The following TBXAS1 variants were observed in gnomAD, a reference collection of about 807,000 sequenced individuals.
TBXAS1 encodes thromboxane A synthase 1.
TBXAS1 carries 48 observed loss-of-function variants against 60.7 expected under a neutral mutation model. The observed-to-expected ratio is 0.79, with a 90% CI of 0.63 to 1.01. The LOEUF (loss-of-function observed/expected upper bound fraction) is 1.01, where lower values mean the gene tolerates loss of function less well. TBXAS1 is among the 50% of genes least tolerant of loss of function. The probability of loss-of-function intolerance (pLI) is 0.00; values close to 1 mark genes in which losing one functional copy is unlikely to be tolerated. For missense variants in TBXAS1, 685 were observed against 686.3 expected (o/e 1.00, Z 0.02); for synonymous variants, 287 against 269.7 (o/e 1.06, Z -0.63).
chr7:139,984,786 AAAG>A (rs1464224477), intron 9 of TBXAS1, among the ~76,000 whole-genome samples: 6 of 147,222 alleles, frequency 4.1e-5, no homozygotes, highest in East Asian at 3.9e-4. Flanking sequence ...GAAAGAAAAG[AAAG>A]AAAGAAAGGG....
intron 4 of TBXAS1, among the ~76,000 whole-genome samples, chr7:139,798,350 CAG>C (rs1797624042): frequency 6.6e-6 from 1 of 152,168 alleles, no homozygotes; most frequent in Non-Finnish European, 1.5e-5. Flanking sequence ...GAGGAGAAAA[CAG>C]GGAGATTCCC....
chr7:139,890,973 C>T (rs1353076790), intron 3 of TBXAS1, among the ~76,000 whole-genome samples: 2 of 151,962 alleles, frequency 1.3e-5, no homozygotes, highest in African/African-American at 4.8e-5. Flanking sequence ...GCCAATAGTA[C>T]TGCCGTAGAT....
chr7:139,895,158 T>A (rs766860735), intron 3 of TBXAS1, among the ~76,000 whole-genome samples: 1 of 151,366 alleles, frequency 6.6e-6, no homozygotes, highest in Non-Finnish European at 1.5e-5. Flanking sequence ...AAGGGGGAGG[T>A]GAGGGCAAAG....
intron 3 of TBXAS1, among the ~76,000 whole-genome samples, chr7:139,890,365 G>A (rs1346921394): frequency 1.3e-5 from 2 of 149,724 alleles, no homozygotes; most frequent in East Asian, 1.9e-4. Context: ...ACAGGCGCCC[G>A]CCACTGCGCC....
chr7:139,800,303 G>A lies in TBXAS1; in HGVS notation c.-80+12877G>A, dbSNP rs181085585. Among the ~76,000 whole-genome samples, 38 of 152,174 alleles carry A rather than the reference G, an allele frequency of 2.5e-4. No homozygotes were observed. The East Asian group carries it at 4.3e-3, about 17-fold the overall frequency. On this transcript the variant is annotated intron_variant, in intron 4 of 16. Coordinates refer to the TBXAS1 transcript ENST00000336425. ...ATAGTAGCTTCCAAGGTCCTGCATGGCTTATCCTCTCCCTCCCTCCTCGAA... is the reference window on the plus strand; with the variant it reads ...ATAGTAGCTTCCAAGGTCCTGCATGACTTATCCTCTCCCTCCCTCCTCGAA...
At chr7:139,779,211 C>G (rs909154053) in intron 1 of TBXAS1, among the ~76,000 whole-genome samples, 6 of 152,230 alleles carry the variant, frequency 3.9e-5, no homozygotes, top group Admixed American at 2.0e-4. Flanking sequence ...AAAACAACCT[C>G]GTGATTTTCT....
chr7:139,990,541 A>G (rs577382186), intron 9 of TBXAS1, among the ~76,000 whole-genome samples: 79 of 152,100 alleles, frequency 5.2e-4, no homozygotes, highest in African/African-American at 1.8e-3. Flanking sequence ...CAGGGACCCC[A>G]GCCTCCTCAT....
intron 9 of TBXAS1, among the ~76,000 whole-genome samples, chr7:139,974,681 C>T (rs1326304250): frequency 1.3e-5 from 2 of 152,148 alleles, no homozygotes; most frequent in Admixed American, 6.5e-5. Context: ...GTTTGAACAG[C>T]GCCAGCATTA....
At chr7:139,873,996 G>T (rs1470485885) in intron 2 of TBXAS1, among the ~76,000 whole-genome samples, 1 of 152,072 alleles carries the variant, frequency 6.6e-6, no homozygotes, top group Non-Finnish European at 1.5e-5. Flanking sequence ...AAAGAAAGCT[G>T]CTCTTTCTGT....
chr7:139,987,375 C>A (rs1812573000), intron 9 of TBXAS1, among the ~76,000 whole-genome samples: 1 of 152,214 alleles, frequency 6.6e-6, no homozygotes, highest in African/African-American at 2.4e-5. Flanking sequence ...GGGAGCTTCA[C>A]ATCCCCACAC....
intron 4 of TBXAS1, among the ~76,000 whole-genome samples, chr7:139,820,465 T>C (rs185130118): frequency 6.6e-6 from 1 of 152,308 alleles, no homozygotes; most frequent in East Asian, 1.9e-4. Context: ...AATGGTGGCA[T>C]TGCTTCAACT....
chr7:139,971,942 C>T (rs568863152), intron 9 of TBXAS1, among the ~76,000 whole-genome samples: 1 of 152,300 alleles, frequency 6.6e-6, no homozygotes, highest in African/African-American at 2.4e-5. Context: ...ACCTCCTGAC[C>T]CACTGCCCCC....
At chr7:139,962,346 A>T in intron 9 of TBXAS1, 113 bp downstream of exon 9, 1 of 1,283,444 alleles carries the variant, frequency 7.8e-7, no homozygotes, top group Non-Finnish European at 1.1e-6. Flanking sequence ...TTCTAAGCTT[A>T]TAAGATGAAA....
intron 9 of TBXAS1, among the ~76,000 whole-genome samples, chr7:139,974,344 G>T (rs1200071971): frequency 6.6e-6 from 1 of 152,180 alleles, no homozygotes; most frequent in East Asian, 1.9e-4. Context: ...GGGACACTCG[G>T]CTGGCACCAG....
intron 6 of TBXAS1, among the ~76,000 whole-genome samples, chr7:139,953,731 G>A (rs1489516601): frequency 2.6e-5 from 4 of 152,190 alleles, no homozygotes; most frequent in East Asian, 1.9e-4. Flanking sequence ...ACAGGCCTGC[G>A]CCTAAGGACA....
At chr7:139,781,618 G>A (rs1165489614) in intron 2 of TBXAS1, among the ~76,000 whole-genome samples, 1 of 152,040 alleles carries the variant, frequency 6.6e-6, no homozygotes, top group Non-Finnish European at 1.5e-5. Flanking sequence ...GATCACCTGA[G>A]GTCAAGAGTT....
intron 10 of TBXAS1, among the ~76,000 whole-genome samples, chr7:140,011,263 C>T (rs894125180): frequency 3.8e-5 from 5 of 131,232 alleles, no homozygotes; most frequent in East Asian, 2.3e-4. Flanking sequence ...GGCGGCAGAG[C>T]GAGACTCTGT....
chr7:139,798,605 C>G (rs1167116306), intron 4 of TBXAS1, among the ~76,000 whole-genome samples: 1 of 152,066 alleles, frequency 6.6e-6, no homozygotes, highest in African/African-American at 2.4e-5. Flanking sequence ...TTTCCTACAC[C>G]GAGGCTCAAA....
At chr7:139,847,564 A>C (rs1799901438) in intron 1 of TBXAS1, among the ~76,000 whole-genome samples, 1 of 151,936 alleles carries the variant, frequency 6.6e-6, no homozygotes, top group African/African-American at 2.4e-5. Context: ...CAACCAACTC[A>C]CTAACCGCCT....
Sources: gnomAD v4.1 joint callset for allele counts (sites outside exome capture counted in the v4.1 genomes callset) on GRCh38, gnomAD v4.1.1 for gene constraint, MANE v1.5 for transcripts, NCBI Gene and HGNC (gene_info 2026-07-23, HGNC 2026-07-21) for gene names.